Variants in RPS6KC1 observed in about 807,000 individuals in gnomAD.
The protein encoded by RPS6KC1 is inactive ribosomal protein S6 kinase delta-1.
A neutral mutation model predicts 103.8 loss-of-function variants in RPS6KC1; 54 were observed. The observed-to-expected ratio is 0.52, with a 90% CI of 0.42 to 0.65. RPS6KC1 has a LOEUF of 0.65. Among genes scored for constraint, RPS6KC1 ranks in the 30% least tolerant of loss-of-function variants. The pLI is 0.00. For missense variants in RPS6KC1, 1,151 were observed against 1,253.8 expected, an observed-to-expected ratio of 0.92 and a Z score of 1.24; for synonymous variants, 439 against 438.7, an observed-to-expected ratio of 1.00 and a Z score of -0.01.
At chr1:213,322,572 C>T in the RPS6KC1 span, among the ~76,000 whole-genome samples, 1 of 152,098 alleles carries the variant, frequency 6.6e-6, no homozygotes. Flanking sequence ...ACAGCACCCA[C>T]TTATTATTTT....
the RPS6KC1 span, among the ~76,000 whole-genome samples, chr1:213,666,845 C>T: frequency 6.6e-6 from 1 of 152,232 alleles, no homozygotes; most frequent in Non-Finnish European, 1.5e-5. Flanking sequence ...GTTCACCTGG[C>T]CTACCAAGCT....
the RPS6KC1 span, among the ~76,000 whole-genome samples, chr1:213,624,192 G>A: frequency 6.6e-6 from 1 of 152,168 alleles, no homozygotes; most frequent in Non-Finnish European, 1.5e-5. Context: ...AGGCACTTGG[G>A]CATGGCACTA....
intron 8 of RPS6KC1, among the ~76,000 whole-genome samples, chr1:213,211,958 TGAGA>T (rs1303457003): frequency 2.0e-5 from 3 of 152,226 alleles, no homozygotes; most frequent in African/African-American, 4.8e-5. Context: ...ACAGCAAAAT[TGAGA>T]GAGAGACAGA....
chr1:213,595,834 C>T, the RPS6KC1 span, among the ~76,000 whole-genome samples: 211 of 152,336 alleles, frequency 1.4e-3, 1 homozygote, highest in South Asian at 0.016. Context: ...TTTAACTTAA[C>T]AATGTCTGAA....
At chr1:213,630,436 C>G in the RPS6KC1 span, among the ~76,000 whole-genome samples, 4 of 152,052 alleles carry the variant, frequency 2.6e-5, no homozygotes, top group South Asian at 8.3e-4. Context: ...CCATCAGGTC[C>G]TTTAAGGACT....
the RPS6KC1 span, among the ~76,000 whole-genome samples, chr1:213,841,789 C>T: frequency 1.6e-3 from 240 of 152,280 alleles, 1 homozygote; most frequent in Middle Eastern, 0.041. Flanking sequence ...TGAAGGAGGG[C>T]TTATGAAGTA....
intron 3 of RPS6KC1, among the ~76,000 whole-genome samples, chr1:213,080,500 C>T (rs2079770422): frequency 6.6e-6 from 1 of 152,106 alleles, no homozygotes; most frequent in South Asian, 2.1e-4. Flanking sequence ...TATTTATATT[C>T]TCTTTAATAG....
At chr1:213,500,530 T>C in the RPS6KC1 span, among the ~76,000 whole-genome samples, 1 of 152,226 alleles carries the variant, frequency 6.6e-6, no homozygotes, top group Non-Finnish European at 1.5e-5. Context: ...TTTATTATTA[T>C]CAAGCATTAG....
At chr1:213,605,869 A>G in the RPS6KC1 span, among the ~76,000 whole-genome samples, 5 of 152,286 alleles carry the variant, frequency 3.3e-5, no homozygotes, top group South Asian at 1.0e-3. Context: ...GGACATGTGC[A>G]AGGGAGACAA....
intron 12 of RPS6KC1, among the ~76,000 whole-genome samples, chr1:213,249,765 G>T (rs749043322): frequency 6.6e-6 from 1 of 152,072 alleles, no homozygotes; most frequent in African/African-American, 2.4e-5. Flanking sequence ...AATTATAATC[G>T]GTCAACCAGA....
chr1:213,507,958 G>T, the RPS6KC1 span, among the ~76,000 whole-genome samples: 5 of 152,138 alleles, frequency 3.3e-5, no homozygotes, highest in Admixed American at 6.5e-5. Flanking sequence ...AATCAGCAGC[G>T]AATGTGCTGC....
intron 10 of RPS6KC1, among the ~76,000 whole-genome samples, chr1:213,237,999 A>C (rs1013929683): frequency 6.6e-6 from 1 of 152,090 alleles, no homozygotes; most frequent in African/African-American, 2.4e-5. Context: ...AAGGTTTTCA[A>C]AAAATTTGTA....
the RPS6KC1 span, among the ~76,000 whole-genome samples, chr1:213,418,613 C>T: frequency 1.3e-5 from 2 of 152,178 alleles, no homozygotes; most frequent in Non-Finnish European, 2.9e-5. Context: ...AGCTTTCACA[C>T]ATAGATAGCA....
At chr1:213,613,152 T>C in the RPS6KC1 span, among the ~76,000 whole-genome samples, 1 of 152,200 alleles carries the variant, frequency 6.6e-6, no homozygotes, top group Non-Finnish European at 1.5e-5. Context: ...GGACCGTTAT[T>C]ATGAATGAAG....
the RPS6KC1 span, among the ~76,000 whole-genome samples, chr1:213,857,628 G>A: frequency 6.6e-6 from 1 of 152,146 alleles, no homozygotes; most frequent in African/African-American, 2.4e-5. Context: ...AAACCAACCA[G>A]GGAATTATTA....
the RPS6KC1 span, among the ~76,000 whole-genome samples, chr1:213,538,713 G>A: frequency 6.6e-6 from 1 of 152,122 alleles, no homozygotes; most frequent in Non-Finnish European, 1.5e-5. Flanking sequence ...CATCGAGTAC[G>A]AGTTTGCTCT....
At chr1:213,464,895 A>C in the RPS6KC1 span, among the ~76,000 whole-genome samples, 4 of 152,042 alleles carry the variant, frequency 2.6e-5, no homozygotes, top group Non-Finnish European at 5.9e-5. Context: ...GGACCAAGAC[A>C]GTCATTCTCC....
intron 7 of RPS6KC1, among the ~76,000 whole-genome samples, chr1:213,174,832 C>G (rs1388319402): frequency 6.6e-6 from 1 of 151,794 alleles, no homozygotes; most frequent in African/African-American, 2.4e-5. Context: ...TTTATGGTAC[C>G]TAGCTCAGCA....
chr1:213,123,206 A>G (rs2084600835), intron 5 of RPS6KC1, among the ~76,000 whole-genome samples: 1 of 152,114 alleles, frequency 6.6e-6, no homozygotes, highest in African/African-American at 2.4e-5. Flanking sequence ...GAGAAGACAT[A>G]TTTGGTATAG....
Sources: allele counts gnomAD v4.1 joint callset (sites outside exome capture counted in the v4.1 genomes callset), GRCh38; gene constraint gnomAD v4.1.1; transcripts MANE v1.5; gene names NCBI Gene and HGNC (gene_info 2026-07-23, HGNC 2026-07-21).